GBF1: variants seen among roughly 807,000 people sequenced by gnomAD.
GBF1 encodes golgi brefeldin A resistant guanine nucleotide exchange factor 1.
In GBF1, 114 loss-of-function variants were observed where a neutral mutation model predicts 210.5. The observed-to-expected ratio is 0.54, with a 90% confidence interval of 0.47 to 0.63. The LOEUF is 0.63. Ranked by LOEUF, GBF1 falls within the 30% of genes least tolerant of loss-of-function variation. The probability of loss-of-function intolerance (pLI) is 0.00; values close to 1 mark genes in which losing one functional copy is unlikely to be tolerated. For synonymous variants in GBF1, 850 were observed against 889.2 expected, an observed-to-expected ratio of 0.96 and a Z score of 0.78; for missense variants, 1,851 against 2,357.7, an observed-to-expected ratio of 0.79 and a Z score of 4.45.
At chr10:102,376,207 G>GA (rs1012085395) in intron 30 of GBF1, 65 bp from the exon 31 acceptor site, 38 of 1,304,738 alleles carry the variant, frequency 2.9e-5, no homozygotes, top group Non-Finnish European at 4.0e-5. Flanking sequence ...CTGAGAGCCT[G>GA]ATTTATCCCT....
intron 4 of GBF1, among the ~76,000 whole-genome samples, chr10:102,350,764 G>C (rs963021794): frequency 6.6e-6 from 1 of 152,078 alleles, no homozygotes; most frequent in African/African-American, 2.4e-5. Flanking sequence ...TTTACCCAGT[G>C]GATTTTGTGT....
rs773507220 is a variant in GBF1 at position 102,375,449 on chromosome 10, C to T, written c.3751C>T (p.Leu1251=). ...GGTTGCGTATGGGCTCCATGAACTC[C>T]TGAAGACCAATGCAGCCAACATCCA... ...HQVAYGLHEL[L]KTNAANIHSG... is the part of the protein sequence containing the mutation. The change falls in exon 30 of 40, where the codon CTG becomes TTG. Residue 1251 remains leucine, a synonymous_variant. Transcript: ENST00000369983. 4 of 1,613,348 alleles carry T rather than the reference C, an allele frequency of 2.5e-6. No individual in the cohort carries two copies. In the South Asian group the frequency reaches 4.4e-5, roughly 18 times the overall value.
chr10:102,255,816 G>A (rs1164710324), intron 1 of GBF1, among the ~76,000 whole-genome samples: 2 of 152,222 alleles, frequency 1.3e-5, no homozygotes, highest in African/African-American at 2.4e-5. Flanking sequence ...AGAAGAGAAC[G>A]TTGTTGTGTT....
At chr10:102,232,656 T>C in the GBF1 span, among the ~76,000 whole-genome samples, 1 of 152,218 alleles carries the variant, frequency 6.6e-6, no homozygotes, top group Non-Finnish European at 1.5e-5. Flanking sequence ...CACTCCAGCC[T>C]GGGTGACAGA....
chr10:102,312,397 G>A (rs1040577515), intron 3 of GBF1, among the ~76,000 whole-genome samples: 3 of 152,106 alleles, frequency 2.0e-5, no homozygotes, highest in Non-Finnish European at 4.4e-5. Flanking sequence ...CTTTTGCTTA[G>A]CTGTAGCCAC....
the GBF1 span, chr10:102,231,570 C>G: frequency 6.5e-7 from 1 of 1,534,394 alleles, no homozygotes; most frequent in Non-Finnish European, 8.9e-7. Flanking sequence ...GTGCGAGTCG[C>G]GGGTCTGGAG....
chr10:102,361,223 G>A (rs2059584897), intron 13 of GBF1, 103 bp downstream of exon 13: 7 of 751,310 alleles, frequency 9.3e-6, no homozygotes, highest in South Asian at 8.4e-5. Context: ...AGGATTTAGG[G>A]ACTTCCTATA....
At chr10:102,306,194 A>T (rs1205610997) in intron 3 of GBF1, among the ~76,000 whole-genome samples, 1 of 152,212 alleles carries the variant, frequency 6.6e-6, no homozygotes, top group Non-Finnish European at 1.5e-5. Flanking sequence ...ACACACATAA[A>T]CACAAATGAG....
chr10:102,362,746 C>T (rs985751624), intron 15 of GBF1, 82 bp downstream of exon 15: 1 of 1,033,814 alleles, frequency 9.7e-7, no homozygotes, highest in Admixed American at 2.1e-5. Flanking sequence ...TTCCTGTCCC[C>T]ATATCACTTC....
intron 33 of GBF1, 45 bp downstream of exon 33, chr10:102,377,185 A>G: frequency 1.3e-6 from 2 of 1,511,932 alleles, no homozygotes; most frequent in Non-Finnish European, 1.8e-6. Context: ...TGCACCTGAT[A>G]CTGGGAGCCT....
intron 14 of GBF1, 63 bp from the exon 15 acceptor site, chr10:102,362,412 A>C: frequency 8.1e-7 from 1 of 1,233,984 alleles, no homozygotes; most frequent in Non-Finnish European, 1.2e-6. Flanking sequence ...GAAATTTTAG[A>C]AAATGATCAA....
rs553027274 is a variant in GBF1, at chr10:102,260,065, C to A, written c.112C>A (p.Pro38Thr). 2.5e-4 allele frequency: 405 copies of A among 1,588,982 alleles called. 1 individual carries two copies. In the South Asian group the frequency reaches 4.2e-3, roughly 17 times the overall value. ...TGTTCTACAGGATGAAGAACGGGATCCTCTGCTGCATAGTTTCGGTCATCT... is the reference window on the plus strand; with the variant it reads ...TGTTCTACAGGATGAAGAACGGGATACTCTGCTGCATAGTTTCGGTCATCT... The part of the protein sequence containing the change: ...THTPLDEERD[P>T]LLHSFGHLKE... The change falls in exon 3 of 40, where the codon CCT (proline) becomes ACT (threonine). Residue 38 changes from proline (P) to threonine (T), a missense_variant. Physicochemically the swap from Pro to Thr is conservative, Grantham distance 38. Coordinates refer to ENST00000369983, the MANE Select transcript of GBF1 (RefSeq NM_001377137.1).
intron 29 of GBF1, among the ~76,000 whole-genome samples, chr10:102,374,652 G>A (rs2060396671): frequency 6.6e-6 from 1 of 152,020 alleles, no homozygotes; most frequent in South Asian, 2.1e-4. Context: ...GTTTTGTGGT[G>A]GATACCCAAA....
chr10:102,370,549 G>A, intron 28 of GBF1, 71 bp downstream of exon 28: 1 of 1,369,242 alleles, frequency 7.3e-7, no homozygotes, highest in Non-Finnish European at 1.0e-6. Flanking sequence ...CCATCTTGCT[G>A]AGTGGGCTCT....
upstream of GBF1, among the ~76,000 whole-genome samples, chr10:102,244,409 G>T (rs1297625544): frequency 6.6e-6 from 1 of 152,212 alleles, no homozygotes; most frequent in Non-Finnish European, 1.5e-5. Flanking sequence ...TCTCCTAGGA[G>T]AAAACCCATC....
At chr10:102,364,631 C>T (rs905369552) in intron 17 of GBF1, among the ~76,000 whole-genome samples, 1 of 151,286 alleles carries the variant, frequency 6.6e-6, no homozygotes, top group African/African-American at 2.4e-5. Context: ...GGCAGATCAC[C>T]TGAGGTCAGG....
chr10:102,246,360 A>ACAGCT (rs2070829483), intron 1 of GBF1, among the ~76,000 whole-genome samples: 1 of 152,190 alleles, frequency 6.6e-6, no homozygotes, highest in Non-Finnish European at 1.5e-5. Flanking sequence ...CTCTTACAGG[A>ACAGCT]CAGCTCAGCT....
chr10:102,324,994 A>G (rs2056766744), intron 3 of GBF1, among the ~76,000 whole-genome samples: 1 of 152,200 alleles, frequency 6.6e-6, no homozygotes, highest in African/African-American at 2.4e-5. Flanking sequence ...TGCCTAGTAC[A>G]ATGCATACCC....
At chr10:102,380,109 T>G in intron 36 of GBF1, 140 bp from the exon 37 acceptor site, 2 of 756,328 alleles carry the variant, frequency 2.6e-6, no homozygotes, top group Non-Finnish European at 4.6e-6. Flanking sequence ...CTGAGAGGAT[T>G]CTGAATCTTA....
Sources: allele counts gnomAD v4.1 joint callset (sites outside exome capture counted in the v4.1 genomes callset), GRCh38; gene constraint gnomAD v4.1.1; transcripts MANE v1.5; gene names NCBI Gene and HGNC (gene_info 2026-07-23, HGNC 2026-07-21).